The following LRRC4C variants were observed in gnomAD, a reference collection of about 807,000 sequenced individuals.
LRRC4C encodes leucine-rich repeat-containing protein 4C.
Under a neutral mutation model 33.6 loss-of-function variants are expected in LRRC4C, and 5 were observed. The observed-to-expected ratio is 0.15, with a 90% CI of 0.08 to 0.31. The LOEUF is 0.31. LRRC4C is among the 10% of genes least tolerant of loss of function. The pLI is 1.00. For missense variants in LRRC4C, 560 were observed against 796.7 expected, an observed-to-expected ratio of 0.70 and a Z score of 3.58; for synonymous variants, 329 against 302.0, an observed-to-expected ratio of 1.09 and a Z score of -0.93.
At chr11:40,762,131 G>T (rs1347572070) in intron 2 of LRRC4C, among the ~76,000 whole-genome samples, 1 of 152,138 alleles carries the variant, frequency 6.6e-6, no homozygotes, top group Non-Finnish European at 1.5e-5. Flanking sequence ...GAGGGCAGCA[G>T]GAGCAAGCCA....
intron 1 of LRRC4C, among the ~76,000 whole-genome samples, chr11:41,111,045 C>T (rs1287706648): frequency 6.6e-6 from 1 of 152,046 alleles, no homozygotes; most frequent in East Asian, 1.9e-4. Flanking sequence ...TGGAGAAGCA[C>T]TGTGCTGGGC....
intron 1 of LRRC4C, among the ~76,000 whole-genome samples, chr11:41,353,140 TAAGAA>T (rs1188660338): frequency 1.3e-5 from 2 of 151,596 alleles, no homozygotes; most frequent in Non-Finnish European, 2.9e-5. Context: ...AATAGACTAA[TAAGAA>T]AAGAGAGAAG....
At chr11:41,345,310 G>T (rs1457644572) in intron 1 of LRRC4C, among the ~76,000 whole-genome samples, 1 of 152,108 alleles carries the variant, frequency 6.6e-6, no homozygotes, top group Admixed American at 6.5e-5. Context: ...GAAGAAGATT[G>T]GTAGCAGAGG....
At chr11:40,980,356 G>A (rs1852430309) in intron 1 of LRRC4C, among the ~76,000 whole-genome samples, 1 of 152,234 alleles carries the variant, frequency 6.6e-6, no homozygotes, top group Non-Finnish European at 1.5e-5. Context: ...GCTTGCTGCA[G>A]AGAGCAAGAA....
intron 1 of LRRC4C, among the ~76,000 whole-genome samples, chr11:41,363,688 T>C (rs1395795833): frequency 6.6e-6 from 1 of 152,208 alleles, no homozygotes; most frequent in East Asian, 1.9e-4. Context: ...ATTAGATATT[T>C]TTTGGCATTC....
At chr11:40,406,919 C>A (rs1198259715) in intron 3 of LRRC4C, among the ~76,000 whole-genome samples, 1 of 152,060 alleles carries the variant, frequency 6.6e-6, no homozygotes, top group East Asian at 1.9e-4. Context: ...TCACTATGAG[C>A]TGCTCCCCCT....
chr11:41,387,044 A>T (rs951092523), intron 1 of LRRC4C, among the ~76,000 whole-genome samples: 1 of 151,792 alleles, frequency 6.6e-6, no homozygotes, highest in Non-Finnish European at 1.5e-5. Context: ...CTTTACAATG[A>T]CATTAGCCTG....
At chr11:41,403,962 G>A (rs1354644195) in intron 1 of LRRC4C, among the ~76,000 whole-genome samples, 2 of 151,794 alleles carry the variant, frequency 1.3e-5, no homozygotes, top group Non-Finnish European at 2.9e-5. Flanking sequence ...ACACACCATA[G>A]ACACATACAC....
At chr11:40,856,858 G>GT (rs923556933) in intron 2 of LRRC4C, among the ~76,000 whole-genome samples, 15 of 152,168 alleles carry the variant, frequency 9.9e-5, no homozygotes, top group East Asian at 5.8e-4. Flanking sequence ...GTTTTTATCT[G>GT]TTTTTTTCCC....
In LRRC4C at chr11:40,911,213, C is replaced by T. The variant is rs137998414; in HGVS notation, c.-407+22422G>A. On this transcript the variant is annotated intron_variant, in intron 2 of 6. Transcript: ENST00000528697. ...GAAGAGAGTAGTGATTCTCCCAGCA[C>T]GCAGCTTGAGATCTGAGAATGTACA... is the stretch of plus-strand genomic sequence containing the variant. 6.8e-4 allele frequency among the ~76,000 whole-genome samples: 103 copies of T among 152,254 alleles called. No individual in the cohort carries two copies. In the East Asian group the frequency reaches 0.015, roughly 21 times the overall value.
chr11:41,137,818 T>G (rs1168111155), intron 1 of LRRC4C, among the ~76,000 whole-genome samples: 1 of 152,210 alleles, frequency 6.6e-6, no homozygotes, highest in Non-Finnish European at 1.5e-5. Flanking sequence ...AGGAGGAGCT[T>G]TACTCTAAAA....
chr11:40,501,567 C>T (rs1054733146), intron 3 of LRRC4C, among the ~76,000 whole-genome samples: 1 of 152,218 alleles, frequency 6.6e-6, no homozygotes, highest in African/African-American at 2.4e-5. Flanking sequence ...AGGCTTGGGG[C>T]TTGCACCCTC....
intron 1 of LRRC4C, among the ~76,000 whole-genome samples, chr11:41,007,769 T>C (rs971836712): frequency 5.9e-5 from 9 of 152,194 alleles, no homozygotes; most frequent in Admixed American, 3.9e-4. Flanking sequence ...CATCTATGTG[T>C]TGATTACTCT....
chr11:40,412,787 C>A (rs750979092), intron 3 of LRRC4C, among the ~76,000 whole-genome samples: 1 of 152,034 alleles, frequency 6.6e-6, no homozygotes, highest in African/African-American at 2.4e-5. Context: ...GCAGTCCCTG[C>A]AACACTAGGA....
At chr11:40,588,400 T>C (rs987740593) in intron 3 of LRRC4C, among the ~76,000 whole-genome samples, 5 of 152,112 alleles carry the variant, frequency 3.3e-5, no homozygotes, top group Admixed American at 3.3e-4. Flanking sequence ...GCAGTCTATC[T>C]ATTTTGTTGA....
In LRRC4C at chr11:40,115,990, G is replaced by A. The variant is rs1223202352; in HGVS notation, c.303C>T (p.His101=). The A allele has an allele frequency of 6.2e-7, 1 of 1,614,132 alleles. No homozygotes were observed. The highest frequency in any genetic ancestry group is 8.5e-7 in the Non-Finnish European group (1 of 1,180,034). ...TCCTACTCAACTGTAGGATTTCCAA[G>A]TGTCTCAAGTGCTTGAAGCTGTTCA... is the stretch of plus-strand genomic sequence containing the variant. ...IKVNSFKHLR[H]LEILQLSRNH... is the part of the protein sequence containing the mutation. Residue 101 remains histidine, a synonymous_variant, in exon 7 of 7, where the codon CAC becomes CAT. Transcript: ENST00000528697. This position sits in a 1 kb window ranked among gnomAD's most constrained non-coding sequence, Gnocchi z 6.7.
intron 1 of LRRC4C, among the ~76,000 whole-genome samples, chr11:41,339,435 AAACC>A (rs1458323723): frequency 6.6e-6 from 1 of 152,178 alleles, no homozygotes; most frequent in Non-Finnish European, 1.5e-5. Flanking sequence ...GTCTATGACT[AAACC>A]AGCAATAGGC....
At chr11:40,761,154 T>C (rs1445438838) in intron 2 of LRRC4C, among the ~76,000 whole-genome samples, 1 of 152,052 alleles carries the variant, frequency 6.6e-6, no homozygotes, top group East Asian at 1.9e-4. Context: ...ACATATAGTG[T>C]TCGCCGCACC....
At chr11:40,197,728 C>T (rs1462200896) in intron 5 of LRRC4C, among the ~76,000 whole-genome samples, 1 of 152,110 alleles carries the variant, frequency 6.6e-6, no homozygotes, top group Non-Finnish European at 1.5e-5. Context: ...TTCATATAAT[C>T]TATTGCATTA....
Sources: gnomAD v4.1 joint callset for allele counts (sites outside exome capture counted in the v4.1 genomes callset) on GRCh38, gnomAD v4.1.1 for gene constraint, Gnocchi (gnomAD v3.1) non-coding constraint, MANE v1.5 for transcripts, NCBI Gene and HGNC (gene_info 2026-07-23, HGNC 2026-07-21) for gene names.